The following MRPL11 variants were observed in gnomAD, a reference collection of about 807,000 sequenced individuals.
MRPL11 encodes large ribosomal subunit protein uL11m.
MRPL11 carries 21 observed loss-of-function variants against 19.1 expected under a neutral mutation model. The ratio of observed to expected loss-of-function variants is 1.10; its 90% CI spans 0.78 to 1.58. The LOEUF (loss-of-function observed/expected upper bound fraction) is 1.58, where lower values mean the gene tolerates loss of function less well. Ranked by LOEUF, MRPL11 falls within the 40% of genes most tolerant of loss-of-function variation. The pLI, the probability that MRPL11 is intolerant of heterozygous loss-of-function variation, is 0.00. For missense variants in MRPL11, 242 were observed against 243.9 expected, an observed-to-expected ratio of 0.99 and a Z score of 0.05; for synonymous variants, 108 against 99.7, an observed-to-expected ratio of 1.08 and a Z score of -0.49.
Position 66,435,822 on chromosome 11 carries a change from A to G in MRPL11, c.*185T>C. 1.8e-6 allele frequency: 1 copy of G among 567,058 alleles called. No individual in the cohort carries two copies. The highest frequency in any genetic ancestry group is 3.2e-6 in the Non-Finnish European group (1 of 313,076). The allele number at this position is 567,058 out of a possible 1,614,324, so 35.1% of individuals were successfully genotyped here. A position where few individuals can be genotyped will look rare whatever the true frequency, so the allele number is the denominator to read the frequency against. ...GTTCCCTTCCCTGAGGTCCCAAGAT[A>G]GAAGATGACAGTGGGTAAGAAAGGA... On this transcript the variant is annotated 3_prime_UTR_variant, in exon 5 of 5. Coordinates refer to ENST00000310999, the MANE Select transcript of MRPL11 (RefSeq NM_016050.5).
intron 4 of MRPL11, among the ~76,000 whole-genome samples, chr11:66,436,437 C>T (rs527698546): frequency 2.6e-5 from 4 of 152,032 alleles, no homozygotes; most frequent in Admixed American, 2.0e-4. Flanking sequence ...CGGGGCTGAG[C>T]ATGTGTGTCT....
Position 66,435,986 on chromosome 11 carries a change from T to C in MRPL11, c.*21A>G. The C allele has an allele frequency of 6.3e-7, 1 of 1,594,782 alleles. No homozygotes were observed. The highest frequency in any genetic ancestry group is 8.6e-7 in the Non-Finnish European group (1 of 1,163,722). ...TTTTGCAACTACCTCCTTTGAAATC[T>C]GGGAGTTGGTGGGGCAAGGGTCACT... On this transcript the variant is annotated 3_prime_UTR_variant, in exon 5 of 5. Coordinates refer to ENST00000310999, the MANE Select transcript of MRPL11 (RefSeq NM_016050.5).
intron 2 of MRPL11, 67 bp downstream of exon 2, chr11:66,438,097 T>C: frequency 8.6e-7 from 1 of 1,157,606 alleles, no homozygotes; most frequent in Non-Finnish European, 1.3e-6. Flanking sequence ...CAACCCCAGA[T>C]GACCAGTCCC....
At chr11:66,437,481 A>G (rs760731570) in intron 2 of MRPL11, 38 bp from the exon 3 acceptor site, 4 of 1,590,886 alleles carry the variant, frequency 2.5e-6, no homozygotes, top group Non-Finnish European at 3.4e-6. Flanking sequence ...CTCTCTTCCT[A>G]CTGCCCCATC....
In MRPL11 at chr11:66,438,742, C is replaced by A; in HGVS notation, c.13G>T (p.Gly5Cys). The A allele has an allele frequency of 1.3e-6, 2 of 1,566,668 alleles. No individual in the cohort carries two copies. The highest frequency in any genetic ancestry group is 1.7e-4 in the Middle Eastern group (1 of 5,860). ...TTCCTGAGGCCCCGGGCGGCCCGGC[C>A]GAGCTTTGACATGATGCGGGGCTGC... Reference protein sequence around the residue: MSKLGRAARGLRKPE... With the variant: MSKLCRAARGLRKPE... The change falls in exon 1 of 5, where the codon GGC (glycine) becomes TGC (cysteine). Residue 5 changes from glycine to cysteine, a missense_variant. Gly to Cys is a radical substitution (Grantham distance 159). Coordinates refer to ENST00000310999, the MANE Select transcript of MRPL11 (RefSeq NM_016050.5).
In MRPL11 at chr11:66,437,313, A is replaced by T. The variant is rs763394993; in HGVS notation, c.313+37T>A. 4 of 1,613,856 alleles carry T rather than the reference A, an allele frequency of 2.5e-6. No individual in the cohort carries two copies. In the Admixed American group the frequency reaches 6.7e-5, roughly 27 times the overall value. ...TTCAGGTGTTACTGCTTCCTTCTGG[A>T]GCCCCCAGAATCTCAGATGCTTACC... On this transcript the variant is annotated intron_variant, in intron 3 of 4. Coordinates refer to ENST00000310999, the MANE Select transcript of MRPL11 (RefSeq NM_016050.5).
At position 66,438,808 on chromosome 11, in the gene MRPL11, C is replaced by T; in HGVS notation, c.-54G>A. On this transcript the variant is annotated 5_prime_UTR_variant, in exon 1 of 5. Transcript: ENST00000310999. ...TCAGGGGAGCAGCAAGAGCGAAGCT[C>T]TGGGCGCCACCATCTTGGGCCAGAG... 7.1e-7 allele frequency: 1 copy of T among 1,413,924 alleles called. No homozygotes were observed. The highest frequency in any genetic ancestry group is 9.3e-7 in the Non-Finnish European group (1 of 1,076,062). The allele number at this position is 1,413,924 out of a possible 1,614,324, so 87.6% of individuals were successfully genotyped here.
In MRPL11 at chr11:66,438,840, G is replaced by T. The variant is rs549341639; in HGVS notation, c.-86C>A. 8 of 1,333,998 alleles carry T rather than the reference G, an allele frequency of 6.0e-6. No homozygotes were observed. The highest frequency in any genetic ancestry group is 6.8e-6 in the Non-Finnish European group (7 of 1,030,010). 82.6% of individuals were successfully genotyped at this position (1,333,998 alleles called of 1,614,324 possible). ...CCACCATCTTGGGCCAGAGGTCAAG[G>T]GTCCTCACGTTAGGCTAGGGCAGGT... On this transcript the variant is annotated 5_prime_UTR_variant, in exon 1 of 5. Transcript: ENST00000310999.
intron 2 of MRPL11, among the ~76,000 whole-genome samples, 174 bp downstream of exon 2, chr11:66,437,990 A>G (rs1190864665): frequency 6.6e-6 from 1 of 152,202 alleles, no homozygotes; most frequent in East Asian, 1.9e-4. Context: ...AGGAACTGCA[A>G]CATGGCAAGA....
At chr11:66,436,991 AG>A in intron 4 of MRPL11, 112 bp downstream of exon 4, 1 of 1,546,562 alleles carries the variant, frequency 6.5e-7, no homozygotes, top group Admixed American at 1.8e-5. Flanking sequence ...TCTAGAATCT[AG>A]GGTCCCTTGA....
At chr11:66,437,804 G>C (rs749314441) in intron 2 of MRPL11, among the ~76,000 whole-genome samples, 1 of 152,144 alleles carries the variant, frequency 6.6e-6, no homozygotes, top group Non-Finnish European at 1.5e-5. Flanking sequence ...AACCCGGGAG[G>C]AGGAGATTGC....
chr11:66,438,523 C>T, intron 1 of MRPL11, 109 bp downstream of exon 1: 2 of 1,394,862 alleles, frequency 1.4e-6, no homozygotes, highest in Non-Finnish European at 1.9e-6. Context: ...GAAGCAGAGC[C>T]GAGCTCTGAA....
chr11:66,437,337 C>T lies in MRPL11; in HGVS notation c.313+13G>A. Reference sequence around the variant, plus strand: ...GAGCCCCCAGAATCTCAGATGCTTACCCTGGCCCTCACCTGTTTGCCGGGC... The same window carrying T: ...GAGCCCCCAGAATCTCAGATGCTTATCCTGGCCCTCACCTGTTTGCCGGGC... On this transcript the variant is annotated intron_variant, in intron 3 of 4. Transcript: ENST00000310999. 6.2e-7 allele frequency: 1 copy of T among 1,614,190 alleles called. No homozygotes were observed. Among genetic ancestry groups the T allele is most frequent in the African/African-American group, 1.3e-5 (1 of 75,050 alleles).
intron 4 of MRPL11, chr11:66,436,659 C>T: frequency 1.6e-6 from 1 of 638,012 alleles, no homozygotes; most frequent in Non-Finnish European, 2.8e-6. Context: ...CTAGGCCAGA[C>T]ACCCTCCCAC....
At chr11:66,438,068 C>A in intron 2 of MRPL11, 96 bp downstream of exon 2, 2 of 859,030 alleles carry the variant, frequency 2.3e-6, no homozygotes, top group Non-Finnish European at 2.0e-6. Flanking sequence ...AATAGGAAGT[C>A]AAGTCAGGAG....
chr11:66,435,900 T>C lies in MRPL11; in HGVS notation c.*107A>G, dbSNP rs1035474337. On this transcript the variant is annotated 3_prime_UTR_variant, in exon 5 of 5. Coordinates refer to ENST00000310999, the MANE Select transcript of MRPL11 (RefSeq NM_016050.5). ...CAGCTAGATGTACAAAAATATATCA[T>C]TCAAAGTCATGAAAACCATCATCAT... 2.5e-6 allele frequency: 2 copies of C among 788,456 alleles called. No individual in the cohort carries two copies. The highest frequency in any genetic ancestry group is 4.3e-6 in the Non-Finnish European group (2 of 461,692). 48.8% of individuals were successfully genotyped at this position (788,456 alleles called of 1,614,324 possible).
Position 66,435,674 on chromosome 11 carries a change from A to G in MRPL11, c.*333T>C, listed in dbSNP as rs1488369972. On this transcript the variant is annotated 3_prime_UTR_variant, in exon 5 of 5. Coordinates refer to ENST00000310999, the MANE Select transcript of MRPL11 (RefSeq NM_016050.5). Reference sequence around the variant, plus strand: ...GCAATAAAACAAAATTATAACTTAAAAAAGAAAAAAAAGGACCTGGGCAAG... The same window carrying G: ...GCAATAAAACAAAATTATAACTTAAGAAAGAAAAAAAAGGACCTGGGCAAG... The G allele has an allele frequency of 5.1e-6, 1 of 197,886 alleles. No individual in the cohort carries two copies. Among genetic ancestry groups the G allele is most frequent in the Non-Finnish European group, 1.0e-5 (1 of 96,298 alleles). 12.3% of individuals were successfully genotyped at this position (197,886 alleles called of 1,614,324 possible).
rs889512635 is a variant in MRPL11, at chr11:66,436,831, C to A, written c.473+273G>T. ...CTCCACTTGCCTCTAGGACGACAGA[C>A]CCAGGTCACACTGAACTTCTCCCAC... On this transcript the variant is annotated intron_variant, in intron 4 of 4. Transcript: ENST00000310999. The A allele has an allele frequency of 1.9e-6, 3 of 1,613,930 alleles. No individual in the cohort carries two copies. The Admixed American group carries it at 5.0e-5, about 27-fold the overall frequency.
Position 66,438,800 on chromosome 11 carries a change from G to C in MRPL11, c.-46C>G. The C allele has an allele frequency of 7.0e-7, 1 of 1,438,744 alleles. No individual in the cohort carries two copies. The highest frequency in any genetic ancestry group is 9.2e-7 in the Non-Finnish European group (1 of 1,088,998). The allele number at this position is 1,438,744 out of a possible 1,614,324, so 89.1% of individuals were successfully genotyped here. A position where few individuals can be genotyped will look rare whatever the true frequency, so the allele number is the denominator to read the frequency against. ...AGTTCACCTCAGGGGAGCAGCAAGA[G>C]CGAAGCTCTGGGCGCCACCATCTTG... On this transcript the variant is annotated 5_prime_UTR_variant, in exon 1 of 5. Transcript: ENST00000310999.
Sources: gnomAD v4.1 joint callset for allele counts (sites outside exome capture counted in the v4.1 genomes callset) on GRCh38, gnomAD v4.1.1 for gene constraint, MANE v1.5 for transcripts, NCBI Gene and HGNC (gene_info 2026-07-23, HGNC 2026-07-21) for gene names.